The following KBTBD7 variants were observed in gnomAD, a reference collection of about 807,000 sequenced individuals.
The protein encoded by KBTBD7 is kelch repeat and BTB domain containing 7.
Under a neutral mutation model 50.3 loss-of-function variants are expected in KBTBD7, and 25 were observed. That is an observed-to-expected ratio of 0.50 (90% confidence interval 0.36 to 0.69). The LOEUF is 0.69. Among genes scored for constraint, KBTBD7 ranks in the 30% least tolerant of loss-of-function variants. The pLI is 0.00. For missense variants in KBTBD7, 653 were observed against 869.5 expected (o/e 0.75, Z 3.13); for synonymous variants, 305 against 325.3 (o/e 0.94, Z 0.67).
At position 41,193,178 on chromosome 13, in the gene KBTBD7, G is replaced by T. The variant is rs148326074; in HGVS notation, c.1080C>A (p.Asp360Glu). ...GHPRDPFLCY[D>E]PYSGDIYTMP... ...TTGTGTAAATGTCCCCCGAGTAAGG[G>T]TCATAGCAGAGAAAGGGATCTCTAG... The change falls in exon 1 of 1, where the codon GAC becomes GAA. Residue 360 changes from aspartate to glutamate, a missense_variant. Physicochemically the swap from Asp to Glu is conservative, Grantham distance 45. Transcript: ENST00000379483. The surrounding 1 kb of genome is among the most constrained non-coding windows in gnomAD (Gnocchi z 5.7). 39 of 1,614,180 alleles carry T rather than the reference G, an allele frequency of 2.4e-5. No homozygotes were observed. The highest frequency in any genetic ancestry group is 1.6e-4 in the Middle Eastern group (1 of 6,062).
Position 41,191,899 on chromosome 13 carries a change from A to G in KBTBD7, c.*304T>C. 1 of 236,918 alleles carries G rather than the reference A, an allele frequency of 4.2e-6. No individual in the cohort carries two copies. Among genetic ancestry groups the G allele is most frequent in the Non-Finnish European group, 8.1e-6 (1 of 123,350 alleles). The allele number at this position is 236,918 out of a possible 1,614,324, so 14.7% of individuals were successfully genotyped here. A position where few individuals can be genotyped will look rare whatever the true frequency, so the allele number is the denominator to read the frequency against. Reference sequence around the variant, plus strand: ...AGAAGACTGAATTAATTAAAAAAAAAGCATACTAACTAATCAAAACAATCC... The same window carrying G: ...AGAAGACTGAATTAATTAAAAAAAAGGCATACTAACTAATCAAAACAATCC... On this transcript the variant is annotated 3_prime_UTR_variant, in exon 1 of 1. Coordinates refer to ENST00000379483, the MANE Select transcript of KBTBD7 (RefSeq NM_032138.7).
Position 41,194,054 on chromosome 13 carries a change from C to T in KBTBD7, c.204G>A (p.Glu68=), listed in dbSNP as rs772266139. 6 of 1,614,206 alleles carry T rather than the reference C, an allele frequency of 3.7e-6. No homozygotes were observed. The highest frequency in any genetic ancestry group is 2.5e-6 in the Non-Finnish European group (3 of 1,180,042). The change falls in exon 1 of 1, where the codon GAG becomes GAA. Residue 68 remains glutamate, a synonymous_variant. Transcript: ENST00000379483. ...DARLLCDVTI[E]VVTPGSGPGT... Reference sequence around the variant, plus strand: ...CAGGCCCGCTGCCAGGCGTCACCACCTCGATGGTCACATCACACAGCAGCC... The same window carrying T: ...CAGGCCCGCTGCCAGGCGTCACCACTTCGATGGTCACATCACACAGCAGCC...
At position 41,190,951 on chromosome 13, in the gene KBTBD7, A is replaced by G. The variant is rs1299727262; in HGVS notation, c.*1252T>C. 1 of 152,190 alleles carries G rather than the reference A, an allele frequency of 6.6e-6. No homozygotes were observed. The highest frequency in any genetic ancestry group is 2.4e-5 in the African/African-American group (1 of 41,472). 9.4% of individuals were successfully genotyped at this position (152,190 alleles called of 1,614,324 possible). ...CAATGTCAACTTTTAATACAAAAAT[A>G]CCTTCAAGCTGATAATTAAGAACAT... On this transcript the variant is annotated 3_prime_UTR_variant, in exon 1 of 1. Transcript: ENST00000379483.
Position 41,192,526 on chromosome 13 carries a change from A to G in KBTBD7, c.1732T>C (p.Trp578Arg). Residue 578 changes from tryptophan to arginine, a missense_variant, in exon 1 of 1, where the codon TGG (tryptophan) becomes CGG (arginine). Trp to Arg is a moderately radical substitution (Grantham distance 101). Around this residue, in one of 3 missense-constraint regions of KBTBD7, gnomAD observed 526 missense variants for 717.1 expected, o/e 0.73. Transcript: ENST00000379483. ...TACACTGTCACTCGGTTCTTTTTCC[A>G]TTGTGGGGTTGTAGAAGTGATGAGA... ...LLLITSTTPQ[W>R]KKNRVTVYEY... 2 of 1,614,114 alleles carry G rather than the reference A, an allele frequency of 1.2e-6. No individual in the cohort carries two copies. The highest frequency in any genetic ancestry group is 2.2e-5 in the East Asian group (1 of 44,894).
At position 41,192,057 on chromosome 13, in the gene KBTBD7, G is replaced by A; in HGVS notation, c.*146C>T. ...ATTAAACAGGTCGATTTCATGGACTGTCTAAACCTTGTAGTATTTCAAAAT... is the reference window on the plus strand; with the variant it reads ...ATTAAACAGGTCGATTTCATGGACTATCTAAACCTTGTAGTATTTCAAAAT... On this transcript the variant is annotated 3_prime_UTR_variant, in exon 1 of 1. Coordinates refer to ENST00000379483, the MANE Select transcript of KBTBD7 (RefSeq NM_032138.7). 1.4e-6 allele frequency: 1 copy of A among 732,800 alleles called. No individual in the cohort carries two copies. The highest frequency in any genetic ancestry group is 1.9e-5 in the South Asian group (1 of 53,434). 45.4% of individuals were successfully genotyped at this position (732,800 alleles called of 1,614,324 possible). A position where few individuals can be genotyped will look rare whatever the true frequency, so the allele number is the denominator to read the frequency against.
At position 41,194,009 on chromosome 13, in the gene KBTBD7, G is replaced by A. The variant is rs774068766; in HGVS notation, c.249C>T (p.Ser83=). ...GSGPGTGRLF[S]CNRNVLAAAC... is the part of the protein sequence containing the mutation. ...CAGCTGCTAGCACGTTGCGATTGCA[G>A]GAAAAGAGGCGACCCGTGCCAGGCC... Residue 83 remains serine (S), a synonymous_variant, in exon 1 of 1, where the codon TCC becomes TCT. Coordinates refer to ENST00000379483, the MANE Select transcript of KBTBD7 (RefSeq NM_032138.7). 6.2e-7 allele frequency: 1 copy of A among 1,614,228 alleles called. No homozygotes were observed. Among genetic ancestry groups the A allele is most frequent in the Non-Finnish European group, 8.5e-7 (1 of 1,180,044 alleles).
chr13:41,192,851 A>G lies in KBTBD7; in HGVS notation c.1407T>C (p.Pro469=), dbSNP rs2031426558. The change falls in exon 1 of 1, where the codon CCT becomes CCC. Residue 469 remains proline, a synonymous_variant. Transcript: ENST00000379483. Reference sequence around the variant, plus strand: ...CAAAGGAATAGAAGGAATGAGGGACAGGAGCCACCAATGCCCACTGGTTTC... The same window carrying G: ...CAAAGGAATAGAAGGAATGAGGGACGGGAGCCACCAATGCCCACTGGTTTC... ...VQRNQWALVA[P]VPHSFYSFEL... is the part of the protein sequence containing the mutation. The G allele has an allele frequency of 6.2e-7, 1 of 1,614,136 alleles. No individual in the cohort carries two copies. Among genetic ancestry groups the G allele is most frequent in the Admixed American group, 1.7e-5 (1 of 60,010 alleles).
At position 41,193,807 on chromosome 13, in the gene KBTBD7, G is replaced by C; in HGVS notation, c.451C>G (p.Leu151Val). 6.2e-7 allele frequency: 1 copy of C among 1,614,238 alleles called. No individual in the cohort carries two copies. The highest frequency in any genetic ancestry group is 8.5e-7 in the Non-Finnish European group (1 of 1,180,042). ...GCTTCCCGCACATATTCCAGCTGTA[G>C]CATGTCGGAGGCCGCGTACAGGCGC... ...VQRLYAASDMLQLEYVREACA... is the reference protein window; with the variant it reads ...VQRLYAASDMVQLEYVREACA... Residue 151 changes from leucine to valine, a missense_variant, in exon 1 of 1, where the codon CTA becomes GTA. Physicochemically the swap from Leu to Val is conservative, Grantham distance 32. Transcript: ENST00000379483. This position sits in a 1 kb window ranked among gnomAD's most constrained non-coding sequence, Gnocchi z 5.7.
rs74050330 is a variant in KBTBD7, at chr13:41,193,316, C to G, written c.942G>C (p.Val314=). 1,766 of 1,611,728 alleles carry G rather than the reference C, an allele frequency of 1.1e-3. 13 individuals carry two copies. The African/African-American group carries it at 0.022, about 20-fold the overall frequency. Reference sequence around the variant, plus strand: ...TGCTACTGCTGCTGCTGCTGTTTGGCACTGGCACCAGAGACTTGTACAACA... The same window carrying G: ...TGCTACTGCTGCTGCTGCTGTTTGGGACTGGCACCAGAGACTTGTACAACA... The part of the protein sequence containing the change: ...GDLLYKSLVP[V]PNSSSSSSSS... The change falls in exon 1 of 1, where the codon GTG becomes GTC. Residue 314 remains valine (V), a synonymous_variant. Transcript: ENST00000379483. This position sits in a 1 kb window ranked among gnomAD's most constrained non-coding sequence, Gnocchi z 5.7.
Position 41,192,971 on chromosome 13 carries a change from A to G in KBTBD7, c.1287T>C (p.Asp429=). ...ADRLLCREGM[D]VAYLNGYIYI... The stretch of plus-strand genomic sequence containing the variant: ...AGATGTAGCCATTGAGATATGCCAC[A>G]TCCATGCCCTCACGACACAGCAAGC... Residue 429 remains aspartate (D), a synonymous_variant, in exon 1 of 1, where the codon GAT becomes GAC. Coordinates refer to ENST00000379483, the MANE Select transcript of KBTBD7 (RefSeq NM_032138.7). 6 of 1,614,182 alleles carry G rather than the reference A, an allele frequency of 3.7e-6. No homozygotes were observed. Among genetic ancestry groups the G allele is most frequent in the South Asian group, 1.1e-5 (1 of 91,076 alleles).
Position 41,192,069 on chromosome 13 carries a change from T to C in KBTBD7, c.*134A>G, listed in dbSNP as rs1332403459. 2 of 789,146 alleles carry C rather than the reference T, an allele frequency of 2.5e-6. No individual in the cohort carries two copies. The highest frequency in any genetic ancestry group is 1.8e-5 in the South Asian group (1 of 56,408). The allele number at this position is 789,146 out of a possible 1,614,324, so 48.9% of individuals were successfully genotyped here. On this transcript the variant is annotated 3_prime_UTR_variant, in exon 1 of 1. Coordinates refer to ENST00000379483, the MANE Select transcript of KBTBD7 (RefSeq NM_032138.7). Reference sequence around the variant, plus strand: ...GATTTCATGGACTGTCTAAACCTTGTAGTATTTCAAAATATTACCCTTTCT... The same window carrying C: ...GATTTCATGGACTGTCTAAACCTTGCAGTATTTCAAAATATTACCCTTTCT...
rs1415385674 is a variant in KBTBD7, at chr13:41,191,489, C to T, written c.*714G>A. 2 of 134,266 alleles carry T rather than the reference C, an allele frequency of 1.5e-5. No individual in the cohort carries two copies. Among genetic ancestry groups the T allele is most frequent in the Non-Finnish European group, 3.1e-5 (2 of 63,678 alleles). The allele number at this position is 134,266 out of a possible 1,614,324, so 8.3% of individuals were successfully genotyped here. ...GAAAATTGGTCACATATACCAAATACACATTTTATATTCCAAAATAAAAAC... is the reference window on the plus strand; with the variant it reads ...GAAAATTGGTCACATATACCAAATATACATTTTATATTCCAAAATAAAAAC... On this transcript the variant is annotated 3_prime_UTR_variant, in exon 1 of 1. Transcript: ENST00000379483.
chr13:41,194,336 G>A lies in KBTBD7; in HGVS notation c.-79C>T. 2 of 1,533,510 alleles carry A rather than the reference G, an allele frequency of 1.3e-6. No individual in the cohort carries two copies. Among genetic ancestry groups the A allele is most frequent in the Non-Finnish European group, 1.8e-6 (2 of 1,139,540 alleles). 95.0% of individuals were successfully genotyped at this position (1,533,510 alleles called of 1,614,324 possible). Reference sequence around the variant, plus strand: ...GGCTCCTCCTCAACCTTCCCTCGCTGACGCTAAGACAAGCCGCGTCCTGGA... The same window carrying A: ...GGCTCCTCCTCAACCTTCCCTCGCTAACGCTAAGACAAGCCGCGTCCTGGA... On this transcript the variant is annotated 5_prime_UTR_variant, in exon 1 of 1. Transcript: ENST00000379483.
rs2031375372 is a variant in KBTBD7, at chr13:41,191,320, T to A, written c.*883A>T. On this transcript the variant is annotated 3_prime_UTR_variant, in exon 1 of 1. Coordinates refer to ENST00000379483, the MANE Select transcript of KBTBD7 (RefSeq NM_032138.7). The stretch of plus-strand genomic sequence containing the variant: ...CATTACCCAATTATATGTCCAGGAA[T>A]TGTTCCTCTGAGTCAGTAAAGCATG... 1 of 151,840 alleles carries A rather than the reference T, an allele frequency of 6.6e-6. No individual in the cohort carries two copies. The highest frequency in any genetic ancestry group is 1.5e-5 in the Non-Finnish European group (1 of 67,916). The allele number at this position is 151,840 out of a possible 1,614,324, so 9.4% of individuals were successfully genotyped here.
rs766900063 is a variant in KBTBD7 at position 41,192,576 on chromosome 13, A to G, written c.1682T>C (p.Ile561Thr). Residue 561 changes from isoleucine to threonine, a missense_variant, in exon 1 of 1, where the codon ATT (isoleucine) becomes ACT (threonine). Physicochemically the swap from Ile to Thr is moderately conservative, Grantham distance 89. Coordinates refer to ENST00000379483, the MANE Select transcript of KBTBD7 (RefSeq NM_032138.7). ...PLDSETHNYQ[I>T]VNHDQKLLLI... is the part of the protein sequence containing the mutation. Reference sequence around the variant, plus strand: ...AAGCAACTTTTGGTCATGATTGACAATCTGGTAGTTGTGGGTCTCTGAATC... The same window carrying G: ...AAGCAACTTTTGGTCATGATTGACAGTCTGGTAGTTGTGGGTCTCTGAATC... 5 of 1,614,092 alleles carry G rather than the reference A, an allele frequency of 3.1e-6. No homozygotes were observed. Among genetic ancestry groups the G allele is most frequent in the East Asian group, 2.2e-5 (1 of 44,894 alleles).
Position 41,191,394 on chromosome 13 carries a change from T to TG in KBTBD7, c.*808_*809insC, listed in dbSNP as rs1055917043. 3 of 151,108 alleles carry TG rather than the reference T, an allele frequency of 2.0e-5. 1 individual carries two copies. The highest frequency in any genetic ancestry group is 1.3e-4 in the Admixed American group (2 of 15,162). 9.4% of individuals were successfully genotyped at this position (151,108 alleles called of 1,614,324 possible). A position where few individuals can be genotyped will look rare whatever the true frequency, so the allele number is the denominator to read the frequency against. The stretch of plus-strand genomic sequence containing the variant: ...AAACATAAAAAGCAAGTTACCGTTT[T>TG]TTTTTTTTTTTTTGGTTTAGAAGGG... On this transcript the variant is annotated 3_prime_UTR_variant, in exon 1 of 1. Coordinates refer to ENST00000379483, the MANE Select transcript of KBTBD7 (RefSeq NM_032138.7).
rs2031426096 is a variant in KBTBD7 at position 41,192,835 on chromosome 13, A to G, written c.1423T>C (p.Tyr475His). Residue 475 changes from tyrosine to histidine, a missense_variant, in exon 1 of 1, where the codon TAT becomes CAT. Coordinates refer to ENST00000379483, the MANE Select transcript of KBTBD7 (RefSeq NM_032138.7). ...TGAACCACTATGAGTTCAAAGGAAT[A>G]GAAGGAATGAGGGACAGGAGCCACC... ...ALVAPVPHSF[Y>H]SFELIVVQNY... 1.2e-6 allele frequency: 2 copies of G among 1,614,136 alleles called. No homozygotes were observed. The highest frequency in any genetic ancestry group is 2.7e-5 in the African/African-American group (2 of 74,946).
At position 41,192,791 on chromosome 13, in the gene KBTBD7, G is replaced by C. The variant is rs367552331; in HGVS notation, c.1467C>G (p.Val489=). The C allele has an allele frequency of 6.2e-7, 1 of 1,614,180 alleles. No individual in the cohort carries two copies. The highest frequency in any genetic ancestry group is 1.7e-5 in the Admixed American group (1 of 60,014). The change falls in exon 1 of 1, where the codon GTC becomes GTG. Residue 489 remains valine, a synonymous_variant. Transcript: ENST00000379483. ...CATAGCAAAGCATGCGCTTACTGTT[G>C]ACAGCATAAAGATAGTTCTGAACCA... ...LIVVQNYLYA[V]NSKRMLCYDP...
Position 41,192,136 on chromosome 13 carries a change from A to G in KBTBD7, c.*67T>C. ...CCTAATCAACTTTTTTTCCAAGAAA[A>G]AGAAACGATATGTGTTTAAAATACA... On this transcript the variant is annotated 3_prime_UTR_variant, in exon 1 of 1. Coordinates refer to ENST00000379483, the MANE Select transcript of KBTBD7 (RefSeq NM_032138.7). 1 of 1,485,498 alleles carries G rather than the reference A, an allele frequency of 6.7e-7. No individual in the cohort carries two copies. The highest frequency in any genetic ancestry group is 9.1e-7 in the Non-Finnish European group (1 of 1,104,792). 92.0% of individuals were successfully genotyped at this position (1,485,498 alleles called of 1,614,324 possible). A position where few individuals can be genotyped will look rare whatever the true frequency, so the allele number is the denominator to read the frequency against.
Sources: allele counts gnomAD v4.1 joint callset, GRCh38; gene constraint gnomAD v4.1.1; regional missense constraint gnomAD v4.1.1; non-coding constraint Gnocchi (gnomAD v3.1); transcripts MANE v1.5; gene names NCBI Gene and HGNC (gene_info 2026-07-23, HGNC 2026-07-21).